The following RBFOX3 variants were observed in gnomAD, a reference collection of about 807,000 sequenced individuals.
RBFOX3 encodes RNA binding protein fox-1 homolog 3.
RBFOX3 carries 17 observed loss-of-function variants against 48.7 expected under a neutral mutation model. The observed-to-expected ratio is 0.35, with a 90% CI of 0.24 to 0.52. The LOEUF is 0.52. Ranked by LOEUF, RBFOX3 falls within the 20% of genes least tolerant of loss-of-function variation. The probability of loss-of-function intolerance (pLI) is 0.94; values close to 1 mark genes in which losing one functional copy is unlikely to be tolerated. For missense variants in RBFOX3, 382 were observed against 497.5 expected (o/e 0.77, Z 2.21); for synonymous variants, 212 against 209.5 (o/e 1.01, Z -0.10).
At chr17:79,502,351 G>T (rs1188564016) in intron 1 of RBFOX3, among the ~76,000 whole-genome samples, 8 of 149,816 alleles carry the variant, frequency 5.3e-5, no homozygotes, top group African/African-American at 2.0e-4. Context: ...TGCCAGGGAT[G>T]GCAGGGAGGG....
In RBFOX3 at chr17:79,170,145, GGAAGGAAGGGA is replaced by G. The variant is rs1191390692; in HGVS notation, c.-33-54408_-33-54398del. 6.5e-5 allele frequency among the ~76,000 whole-genome samples: 9 copies of G among 137,470 alleles called. 1 individual carries two copies. The highest frequency in any genetic ancestry group is 5.6e-4 in the Admixed American group (8 of 14,230). The allele number at this position is 137,470 out of a possible 152,430, so 90.2% of individuals were successfully genotyped here. A position where few individuals can be genotyped will look rare whatever the true frequency, so the allele number is the denominator to read the frequency against. ...AAGGAAGGAAGGAGGAAGGAGGGAAGGAAGGAAGGGAGGAGGAAGGAGGAAGGAAGGGGAAG... is the reference window on the plus strand; with the variant it reads ...AAGGAAGGAAGGAGGAAGGAGGGAAGGGAGGAAGGAGGAAGGAAGGGGAAG... On this transcript the variant is annotated intron_variant, in intron 4 of 14. Coordinates refer to ENST00000693108, the MANE Select transcript of RBFOX3 (RefSeq NM_001350451.2).
intron 1 of RBFOX3, chr17:79,599,967 T>C (rs2093666693): frequency 1.3e-5 from 2 of 152,242 alleles, no homozygotes; most frequent in Non-Finnish European, 2.9e-5. Flanking sequence ...CGAGGAGTGC[T>C]GGCATCTCAT....
chr17:79,356,859 C>T (rs1012548534), intron 2 of RBFOX3, among the ~76,000 whole-genome samples: 9 of 152,194 alleles, frequency 5.9e-5, no homozygotes, highest in African/African-American at 2.2e-4. Flanking sequence ...TGCAGCCGGG[C>T]CTGCCTGGGC....
intron 4 of RBFOX3, among the ~76,000 whole-genome samples, chr17:79,161,325 T>A (rs1436425048): frequency 6.6e-6 from 1 of 152,146 alleles, no homozygotes; most frequent in Non-Finnish European, 1.5e-5. Context: ...AGAGGCCCCA[T>A]GAAGCCCGTC....
At chr17:79,302,499 G>C (rs2075469098) in intron 3 of RBFOX3, among the ~76,000 whole-genome samples, 1 of 152,186 alleles carries the variant, frequency 6.6e-6, no homozygotes. Flanking sequence ...GGCCAACATG[G>C]TGAAACCCCT....
chr17:79,155,551 T>C (rs1226836390), intron 4 of RBFOX3, among the ~76,000 whole-genome samples: 3 of 152,202 alleles, frequency 2.0e-5, no homozygotes, highest in African/African-American at 7.2e-5. Flanking sequence ...GGTAATGCTG[T>C]ACGGCAGAGG....
chr17:79,160,177 C>T lies in RBFOX3; in HGVS notation c.-33-44429G>A, dbSNP rs532315072. Among the ~76,000 whole-genome samples, 16 of 152,340 alleles carry T rather than the reference C, an allele frequency of 1.1e-4. No individual in the cohort carries two copies. In the South Asian group the frequency reaches 2.5e-3, roughly 24 times the overall value. ...GGGATTAGCAGACATAGCTCCAGGCCGGGAGGAAAAATCCATGTGTGATTC... is the reference window on the plus strand; with the variant it reads ...GGGATTAGCAGACATAGCTCCAGGCTGGGAGGAAAAATCCATGTGTGATTC... On this transcript the variant is annotated intron_variant, in intron 4 of 14. Transcript: ENST00000693108.
the RBFOX3 span, among the ~76,000 whole-genome samples, chr17:79,617,450 G>A: frequency 2.0e-5 from 3 of 152,148 alleles, no homozygotes; most frequent in Middle Eastern, 3.4e-3. Context: ...GCTCTCTCGG[G>A]TCACCAGGGA....
intron 2 of RBFOX3, among the ~76,000 whole-genome samples, chr17:79,326,589 GC>G (rs1193796134): frequency 2.0e-5 from 3 of 152,192 alleles, no homozygotes; most frequent in African/African-American, 7.2e-5. Context: ...GCCCAGGCCT[GC>G]CCAACCCTCT....
chr17:79,216,658 G>T (rs2059095439), intron 4 of RBFOX3, among the ~76,000 whole-genome samples: 1 of 152,182 alleles, frequency 6.6e-6, no homozygotes, highest in South Asian at 2.1e-4. Context: ...GTGGGGACAG[G>T]GTCACATGCC....
chr17:79,215,987 C>T (rs932798162), intron 4 of RBFOX3, among the ~76,000 whole-genome samples: 2 of 152,232 alleles, frequency 1.3e-5, no homozygotes, highest in Admixed American at 1.3e-4. Context: ...TTGCAAGCAG[C>T]GGACGCAGGG....
In RBFOX3 at chr17:79,111,355, A is replaced by G. The variant is rs2031395489; in HGVS notation, c.222+4139T>C. On this transcript the variant is annotated intron_variant, in intron 5 of 14. Transcript: ENST00000693108. The surrounding 1 kb of genome is among the most constrained non-coding windows in gnomAD (Gnocchi z 4.2). ...GCCCACGTGGGCTCTGGAAAACACC[A>G]GTCTCATCCCGTCTCCCTCTACCTG... is the stretch of plus-strand genomic sequence containing the variant. 6.6e-6 allele frequency among the ~76,000 whole-genome samples: 1 copy of G among 152,082 alleles called. No individual in the cohort carries two copies. The highest frequency in any genetic ancestry group is 1.5e-5 in the Non-Finnish European group (1 of 67,998).
intron 1 of RBFOX3, among the ~76,000 whole-genome samples, chr17:79,564,965 C>A (rs930274360): frequency 6.8e-6 from 1 of 147,550 alleles, no homozygotes; most frequent in Non-Finnish European, 1.5e-5. Context: ...TGCTTGAACC[C>A]GGGAGGCGGA....
Position 79,441,944 on chromosome 17 carries a change from C to T in RBFOX3, c.-175+40510G>A, listed in dbSNP as rs1170769005. Among the ~76,000 whole-genome samples, 4 of 151,964 alleles carry T rather than the reference C, an allele frequency of 2.6e-5. No individual in the cohort carries two copies. In the East Asian group the frequency reaches 7.9e-4, roughly 30 times the overall value. ...AAAGGCAGACCAACAGGTCAGGAGC[C>T]CGGGCCCCGCCTTGACCTTGGAAAT... is the stretch of plus-strand genomic sequence containing the variant. On this transcript the variant is annotated intron_variant, in intron 2 of 14. Coordinates refer to ENST00000693108, the MANE Select transcript of RBFOX3 (RefSeq NM_001350451.2).
At chr17:79,340,246 C>A (rs1314883495) in intron 2 of RBFOX3, among the ~76,000 whole-genome samples, 3 of 150,102 alleles carry the variant, frequency 2.0e-5, no homozygotes, top group Non-Finnish European at 4.4e-5. Context: ...TTGCAGTGAG[C>A]CGAGATCACA....
At chr17:79,336,618 C>T (rs1005592278) in intron 2 of RBFOX3, among the ~76,000 whole-genome samples, 3 of 152,252 alleles carry the variant, frequency 2.0e-5, no homozygotes, top group South Asian at 2.1e-4. Context: ...CTCTCCTCCA[C>T]ACTGGACCTT....
In RBFOX3 at chr17:79,292,600, G is replaced by GCA. The variant is rs1037519635; in HGVS notation, c.-74+15122_-74+15123dup. On this transcript the variant is annotated intron_variant, in intron 3 of 14. Coordinates refer to ENST00000693108, the MANE Select transcript of RBFOX3 (RefSeq NM_001350451.2). ...CACACACATGCACACACACACACACGCACACACACACACACATACATGCAG... is the reference window on the plus strand; with the variant it reads ...CACACACATGCACACACACACACACGCACACACACACACACACATACATGCAG... Among the ~76,000 whole-genome samples, 54 of 79,074 alleles carry GCA rather than the reference G, an allele frequency of 6.8e-4. 1 individual carries two copies. Among genetic ancestry groups the GCA allele is most frequent in the South Asian group, 3.8e-3 (10 of 2,630 alleles). 51.9% of individuals were successfully genotyped at this position (79,074 alleles called of 152,430 possible).
At chr17:79,296,033 C>G (rs2074277533) in intron 3 of RBFOX3, among the ~76,000 whole-genome samples, 2 of 148,906 alleles carry the variant, frequency 1.3e-5, no homozygotes, top group Admixed American at 6.7e-5. Context: ...TGGGGCTGGG[C>G]TTGGGGGAGG....
rs148033859 is a variant in RBFOX3, at chr17:79,296,190, G to A, written c.-74+11534C>T. ...TTGTGGGGCTCCCCAGTGTACAGAC[G>A]CAAAAGGAAAATACAAAAGAACTTT... On this transcript the variant is annotated intron_variant, in intron 3 of 14. Coordinates refer to ENST00000693108, the MANE Select transcript of RBFOX3 (RefSeq NM_001350451.2). Among the ~76,000 whole-genome samples, 344 of 152,048 alleles carry A rather than the reference G, an allele frequency of 2.3e-3. 2 individuals are homozygous for A. The highest frequency in any genetic ancestry group is 7.6e-3 in the African/African-American group (313 of 41,452).
Sources: gnomAD v4.1 joint callset for allele counts (sites outside exome capture counted in the v4.1 genomes callset) on GRCh38, gnomAD v4.1.1 for gene constraint, Gnocchi (gnomAD v3.1) non-coding constraint, MANE v1.5 for transcripts, NCBI Gene and HGNC (gene_info 2026-07-23, HGNC 2026-07-21) for gene names.